Variants in GPM6B observed in about 807,000 individuals in gnomAD.
GPM6B encodes glycoprotein M6B.
In GPM6B, 4 loss-of-function variants were observed where a neutral mutation model predicts 27.2. That is an observed-to-expected ratio of 0.15 (90% confidence interval 0.07 to 0.34). The LOEUF is 0.34. Ranked by LOEUF, GPM6B falls within the 10% of genes least tolerant of loss-of-function variation. The probability of loss-of-function intolerance (pLI) is 1.00; values close to 1 mark genes in which losing one functional copy is unlikely to be tolerated. For synonymous variants in GPM6B, 124 were observed against 103.1 expected (o/e 1.20, Z -1.23); for missense variants, 183 against 261.9 (o/e 0.70, Z 2.08).
intron 1 of GPM6B, among the ~76,000 whole-genome samples, chrX:13,898,632 C>T (rs935385245): frequency 8.9e-6 from 1 of 112,670 alleles, no homozygotes; most frequent in Non-Finnish European, 1.9e-5. Context: ...TGATTTGGAG[C>T]GAAAGGTGCC....
chrX:13,887,363 A>G (rs1208329984), intron 1 of GPM6B, among the ~76,000 whole-genome samples: 2 of 112,055 alleles, frequency 1.8e-5, no homozygotes, highest in Non-Finnish European at 3.8e-5. Context: ...CATCTTGATT[A>G]CACAAGACAC....
chrX:13,930,613 CAAA>C (rs143684071), intron 1 of GPM6B, among the ~76,000 whole-genome samples: 1 of 78,718 alleles, frequency 1.3e-5, no homozygotes. Context: ...GACTCCGTCT[CAAA>C]AAAAAAAAAA....
chrX:13,828,781 T>TC (rs2049405983), intron 1 of GPM6B, among the ~76,000 whole-genome samples: 3 of 111,265 alleles, frequency 2.7e-5, no homozygotes, highest in Non-Finnish European at 5.7e-5. Context: ...AAGCTGAGGG[T>TC]CTCCTCAGCA....
chrX:13,810,721 C>G (rs1406124147), intron 1 of GPM6B, among the ~76,000 whole-genome samples: 2 of 104,166 alleles, frequency 1.9e-5, no homozygotes, highest in African/African-American at 3.6e-5. Flanking sequence ...GGCAGCCATG[C>G]CTAAGACCCT....
At chrX:13,781,412 A>G (rs868407381) in intron 4 of GPM6B, among the ~76,000 whole-genome samples, 1 of 112,114 alleles carries the variant, frequency 8.9e-6, no homozygotes, top group Non-Finnish European at 1.9e-5. Flanking sequence ...TAGCACAAAG[A>G]TAAAGCTACA....
intron 7 of GPM6B, chrX:13,774,400 T>C (rs2048367497): frequency 1.9e-6 from 2 of 1,076,370 alleles, no homozygotes; most frequent in African/African-American, 3.7e-5. Context: ...AGTCATCTTA[T>C]TAATCTACCA....
chrX:13,809,796 G>A (rs2049090636), intron 1 of GPM6B, among the ~76,000 whole-genome samples: 1 of 108,674 alleles, frequency 9.2e-6, no homozygotes, highest in Non-Finnish European at 1.9e-5. Context: ...AATTAGCTGG[G>A]CATAGTGGCG....
intron 1 of GPM6B, among the ~76,000 whole-genome samples, chrX:13,907,815 C>T (rs773864252): frequency 1.8e-5 from 2 of 112,429 alleles, no homozygotes; most frequent in Non-Finnish European, 3.7e-5. Flanking sequence ...TTCCAGAGGA[C>T]TCTCTCAAGT....
chrX:13,938,294 AC>A (rs113660707), intron 1 of GPM6B: 113,870 of 266,587 alleles, frequency 0.43, 17,997 homozygotes, highest in African/African-American at 0.62. Context: ...AGCGGGGACC[AC>A]CCCCCCCACA....
intron 3 of GPM6B, among the ~76,000 whole-genome samples, chrX:13,784,796 T>C (rs1435834823): frequency 2.7e-5 from 3 of 111,682 alleles, no homozygotes; most frequent in Non-Finnish European, 5.7e-5. Context: ...CTTCCTCTCT[T>C]CTGCAATGGA....
At chrX:13,869,235 C>A (rs1007946926) in intron 1 of GPM6B, among the ~76,000 whole-genome samples, 17 of 111,698 alleles carry the variant, frequency 1.5e-4, no homozygotes, top group Non-Finnish European at 2.8e-4. Flanking sequence ...CAAAATATCA[C>A]ATATGATTCA....
intron 1 of GPM6B, among the ~76,000 whole-genome samples, chrX:13,852,593 T>G (rs933746885): frequency 1.8e-5 from 2 of 110,789 alleles, no homozygotes. Flanking sequence ...ACCCTGCTTT[T>G]GATTTAATTC....
chrX:13,801,537 G>T lies in GPM6B; in HGVS notation c.181+6113C>A, dbSNP rs1209877644. On this transcript the variant is annotated intron_variant, in intron 2 of 7. Coordinates refer to ENST00000316715, the MANE Select transcript of GPM6B (RefSeq NM_001001995.3). ...ATGGCAAATATTTTTGGCTTTGCAG[G>T]GTGTATAGTTGCAGCTTCTCAACTC... Among the ~76,000 whole-genome samples, 4 of 112,104 alleles carry T rather than the reference G, an allele frequency of 3.6e-5. No individual in the cohort carries two copies. In the South Asian group the frequency reaches 1.5e-3, roughly 41 times the overall value.
At chrX:13,894,463 G>A (rs2050214802) in intron 1 of GPM6B, among the ~76,000 whole-genome samples, 3 of 112,367 alleles carry the variant, frequency 2.7e-5, no homozygotes, top group Non-Finnish European at 3.8e-5. Context: ...TCTCTTATGT[G>A]AATTTGTATA....
intron 2 of GPM6B, among the ~76,000 whole-genome samples, chrX:13,789,426 G>C (rs912846103): frequency 8.9e-6 from 1 of 112,025 alleles, no homozygotes; most frequent in African/African-American, 3.2e-5. Context: ...ATAGGAGCTA[G>C]ACCACCTAGG....
chrX:13,797,857 G>A (rs745717893), intron 2 of GPM6B, among the ~76,000 whole-genome samples: 43 of 111,746 alleles, frequency 3.8e-4, no homozygotes, highest in African/African-American at 1.3e-3. Context: ...TCAACATCAT[G>A]CAACATTTTC....
At chrX:13,810,465 G>T (rs2049108717) in intron 1 of GPM6B, among the ~76,000 whole-genome samples, 1 of 111,610 alleles carries the variant, frequency 9.0e-6, no homozygotes. Context: ...TTGAAAGGAA[G>T]GGAGCACCCT....
At chrX:13,853,933 C>T (rs993218713) in intron 1 of GPM6B, among the ~76,000 whole-genome samples, 4 of 112,199 alleles carry the variant, frequency 3.6e-5, no homozygotes, top group African/African-American at 1.3e-4. Flanking sequence ...AACTGCTTAC[C>T]ACCAAGTTCC....
chrX:13,934,211 G>A (rs765198190), intron 1 of GPM6B, among the ~76,000 whole-genome samples: 7 of 111,112 alleles, frequency 6.3e-5, no homozygotes, highest in Non-Finnish European at 1.1e-4. Context: ...TTTGTGTCCC[G>A]ATATTAAAAG....
Sources: gnomAD v4.1 joint callset for allele counts (sites outside exome capture counted in the v4.1 genomes callset) on GRCh38, gnomAD v4.1.1 for gene constraint, MANE v1.5 for transcripts, NCBI Gene and HGNC (gene_info 2026-07-23, HGNC 2026-07-21) for gene names.